Variants in COL6A5 observed in about 807,000 individuals in gnomAD.
COL6A5 encodes collagen alpha-5(VI) chain.
COL6A5 carries 48 observed loss-of-function variants against 65.6 expected under a neutral mutation model. That is an observed-to-expected ratio of 0.73 (90% CI 0.58 to 0.93). The LOEUF is 0.93. COL6A5 is among the 40% of genes least tolerant of loss of function. The pLI is 0.00. For synonymous variants in COL6A5, 291 were observed against 322.8 expected (o/e 0.90, Z 1.05); for missense variants, 914 against 928.3 (o/e 0.98, Z 0.20).
At chr3:130,416,775 G>C in exon 24 of COL6A5, 1 of 1,533,986 alleles carries the variant, frequency 6.5e-7, no homozygotes, top group Non-Finnish European at 8.8e-7. Flanking sequence ...TGGGCTAATG[G>C]GAGCTAAAGG....
chr3:130,357,811 G>C (rs200850759), intron 1 of COL6A5, among the ~76,000 whole-genome samples: 1 of 152,030 alleles, frequency 6.6e-6, no homozygotes, highest in Non-Finnish European at 1.5e-5. Flanking sequence ...GTTAAAATAA[G>C]AAGAAATATT....
At chr3:130,416,889 C>A in intron 24 of COL6A5, 70 bp downstream of exon 24, 2 of 854,754 alleles carry the variant, frequency 2.3e-6, no homozygotes, top group South Asian at 1.8e-5. Context: ...TTAATAATTG[C>A]ATATTTTTAT....
intron 20 of COL6A5, 85 bp from the exon 21 acceptor site, chr3:130,413,458 TAG>T: frequency 2.4e-6 from 3 of 1,245,270 alleles, no homozygotes; most frequent in Non-Finnish European, 3.5e-6. Flanking sequence ...TACTTATGTC[TAG>T]CAGAGAATGA....
intron 1 of COL6A5, among the ~76,000 whole-genome samples, chr3:130,368,542 A>AGT (rs900896063): frequency 2.0e-5 from 3 of 147,452 alleles, no homozygotes; most frequent in Admixed American, 7.0e-5. Flanking sequence ...AGTGTGTGTG[A>AGT]GAGAGTGTGT....
intron 1 of COL6A5, among the ~76,000 whole-genome samples, chr3:130,368,636 A>G (rs541144810): frequency 2.0e-4 from 30 of 152,010 alleles, no homozygotes; most frequent in Non-Finnish European, 4.1e-4. Context: ...AGAATATGAT[A>G]GGTACCAAAG....
At chr3:130,478,711 C>A (rs1205229393) in intron 7 of COL6A5, among the ~76,000 whole-genome samples, 1 of 151,972 alleles carries the variant, frequency 6.6e-6, no homozygotes, top group Non-Finnish European at 1.5e-5. Flanking sequence ...ATTGTCAAAC[C>A]AGGAGTCATT....
chr3:130,423,428 A>G (rs1246180892), intron 28 of COL6A5, among the ~76,000 whole-genome samples: 2 of 152,230 alleles, frequency 1.3e-5, no homozygotes, highest in Middle Eastern at 3.4e-3. Context: ...CGTATCCATC[A>G]CTTTGGGGTA....
rs1267921107 is a variant in COL6A5 at position 130,409,916 on chromosome 3, A to G, written c.4543-93A>G. 3.7e-5 allele frequency: 31 copies of G among 841,762 alleles called. No individual in the cohort carries two copies. In the East Asian group the frequency reaches 8.3e-4, roughly 22 times the overall value. The allele number at this position is 841,762 out of a possible 1,614,324, so 52.1% of individuals were successfully genotyped here. A position where few individuals can be genotyped will look rare whatever the true frequency, so the allele number is the denominator to read the frequency against. The stretch of plus-strand genomic sequence containing the variant: ...AATTTCTCACACCTCTTATAGCTTG[A>G]CCCAAATTAGCTTAGTACTTGAACA... On this transcript the variant is annotated intron_variant and NMD_transcript_variant, in intron 18 of 41. Coordinates refer to the COL6A5 transcript ENST00000312481.
At chr3:130,355,492 C>T (rs975829764) in intron 1 of COL6A5, among the ~76,000 whole-genome samples, 3 of 151,878 alleles carry the variant, frequency 2.0e-5, no homozygotes, top group African/African-American at 7.3e-5. Flanking sequence ...AAAGTTAAAA[C>T]ATTTTATTTA....
upstream of COL6A5, among the ~76,000 whole-genome samples, chr3:130,428,095 A>G (rs1937645935): frequency 6.6e-6 from 1 of 152,068 alleles, no homozygotes; most frequent in African/African-American, 2.4e-5. Flanking sequence ...CCAGCATTGG[A>G]GGGTTTGGGA....
At chr3:130,422,675 T>G (rs1457947044) in intron 27 of COL6A5, 45 bp from the exon 28 acceptor site, 3 of 1,238,636 alleles carry the variant, frequency 2.4e-6, no homozygotes, top group Non-Finnish European at 2.3e-6. Context: ...AATTCTTTCA[T>G]AGCAAATACT....
In COL6A5 at chr3:130,440,833, A is replaced by G. The variant is rs377000463; in HGVS notation, c.1241+8A>G. ...TTTTATACTCGGTCAGGCGTAAGTT[A>G]TTATTTCATTGTTTGTCTTTTTTTT... On this transcript the variant is annotated splice_region_variant and intron_variant, in intron 3 of 7. Transcript: ENST00000512836. 4 of 1,595,366 alleles carry G rather than the reference A, an allele frequency of 2.5e-6. No homozygotes were observed. The African/African-American group carries it at 4.0e-5, about 16-fold the overall frequency.
intron 20 of COL6A5, among the ~76,000 whole-genome samples, chr3:130,411,645 T>C (rs1937178073): frequency 6.6e-6 from 1 of 152,178 alleles, no homozygotes; most frequent in Non-Finnish European, 1.5e-5. Context: ...ATGAGCTAAA[T>C]GCTATAAATT....
intron 20 of COL6A5, among the ~76,000 whole-genome samples, chr3:130,412,707 G>T (rs1937215766): frequency 6.6e-6 from 1 of 152,064 alleles, no homozygotes; most frequent in South Asian, 2.1e-4. Context: ...AAGAGTATTT[G>T]CATCTTAAAA....
intron 5 of COL6A5, among the ~76,000 whole-genome samples, chr3:130,467,487 T>G (rs1020537246): frequency 7.3e-5 from 11 of 151,384 alleles, no homozygotes; most frequent in Admixed American, 3.9e-4. Flanking sequence ...ACGAAGACAT[T>G]ACATGAAAGG....
intron 4 of COL6A5, among the ~76,000 whole-genome samples, chr3:130,380,839 T>G (rs1241921924): frequency 6.6e-6 from 1 of 152,136 alleles, no homozygotes; most frequent in Non-Finnish European, 1.5e-5. Flanking sequence ...AGGGTAAGAT[T>G]ATTTTTTCTG....
chr3:130,394,451 A>G (rs985663233), intron 7 of COL6A5, among the ~76,000 whole-genome samples: 31 of 152,284 alleles, frequency 2.0e-4, no homozygotes, highest in Admixed American at 1.6e-3. Context: ...TTAAAATGCT[A>G]CTCCTCAATA....
At position 130,421,136 on chromosome 3, in the gene COL6A5, C is replaced by T; in HGVS notation, c.4951-17C>T. ...TCCACCTTTGAGAAATTGAAAAAAA[C>T]TGGTGTGTTTACACAGGGAGATTCT... On this transcript the variant is annotated splice_polypyrimidine_tract_variant and intron_variant and NMD_transcript_variant, in intron 25 of 41. Transcript: ENST00000312481. 6.5e-7 allele frequency: 1 copy of T among 1,549,296 alleles called. No homozygotes were observed. The highest frequency in any genetic ancestry group is 8.7e-7 in the Non-Finnish European group (1 of 1,145,414).
intron 18 of COL6A5, among the ~76,000 whole-genome samples, 199 bp downstream of exon 18, chr3:130,409,587 C>A (rs2173187): frequency 6.6e-6 from 1 of 152,106 alleles, no homozygotes; most frequent in Non-Finnish European, 1.5e-5. Flanking sequence ...CCTTATGGTA[C>A]GCTGAGACTT....
Sources: allele counts gnomAD v4.1 joint callset (sites outside exome capture counted in the v4.1 genomes callset), GRCh38; gene constraint gnomAD v4.1.1; transcripts MANE v1.5; gene names NCBI Gene and HGNC (gene_info 2026-07-23, HGNC 2026-07-21).